Variants in ZBTB45 observed in about 807,000 individuals in gnomAD.
ZBTB45 encodes the protein zinc finger and BTB domain containing 45.
ZBTB45 carries 22 observed loss-of-function variants against 28.4 expected under a neutral mutation model. The observed-to-expected ratio is 0.77, with a 90% confidence interval of 0.55 to 1.10. The LOEUF is 1.10. Among genes scored for constraint, ZBTB45 ranks in the 50% least tolerant of loss-of-function variants. The probability of loss-of-function intolerance (pLI) is 0.00; values close to 1 mark genes in which losing one functional copy is unlikely to be tolerated. For missense variants in ZBTB45, 656 were observed against 750.2 expected, an observed-to-expected ratio of 0.87 and a Z score of 1.47; for synonymous variants, 361 against 332.3, an observed-to-expected ratio of 1.09 and a Z score of -0.94.
chr19:58,520,782 GCAGTGGCTCATGCCTGTAATCCCAGCA>G (rs1313092939), upstream of ZBTB45, among the ~76,000 whole-genome samples: 12 of 152,168 alleles, frequency 7.9e-5, no homozygotes, highest in Admixed American at 7.9e-4. Flanking sequence ...ATGGCCCGGC[GCAGTGGCTCATGCCTGTAATCCCAGCA>G]CTTTGGGAGG....
chr19:58,518,443 G>A (rs1367485716), intron 1 of ZBTB45, among the ~76,000 whole-genome samples: 2 of 152,162 alleles, frequency 1.3e-5, no homozygotes, highest in African/African-American at 4.8e-5. Flanking sequence ...AGCATAGCGA[G>A]CAGGGAGGTG....
intron 1 of ZBTB45, among the ~76,000 whole-genome samples, chr19:58,532,975 C>T (rs1034442706): frequency 1.3e-5 from 2 of 152,182 alleles, no homozygotes; most frequent in African/African-American, 2.4e-5. Flanking sequence ...GCTGGGATTA[C>T]AGGCATGTGC....
At chr19:58,536,140 G>T (rs2053658909) in intron 1 of ZBTB45, among the ~76,000 whole-genome samples, 1 of 151,640 alleles carries the variant, frequency 6.6e-6, no homozygotes, top group Non-Finnish European at 1.5e-5. Context: ...TGCAGTGCCT[G>T]GCCAACATGG....
At chr19:58,523,551 C>A (rs1453427127), upstream of ZBTB45, among the ~76,000 whole-genome samples, 1 of 151,986 alleles carries the variant, frequency 6.6e-6, no homozygotes, top group Non-Finnish European at 1.5e-5. Context: ...GTAATCCCAA[C>A]TTCTCTGGAG....
At chr19:58,529,622 A>G (rs1255811896) in intron 1 of ZBTB45, among the ~76,000 whole-genome samples, 1 of 152,120 alleles carries the variant, frequency 6.6e-6, no homozygotes, top group East Asian at 1.9e-4. Context: ...ATTTTTTTAA[A>G]TTATACTTTA....
At position 58,517,664 on chromosome 19, in the gene ZBTB45, C is replaced by T; in HGVS notation, c.10G>A (p.Ala4Thr). 6.2e-7 allele frequency: 1 copy of T among 1,612,872 alleles called. No homozygotes were observed. The highest frequency in any genetic ancestry group is 1.1e-5 in the South Asian group (1 of 91,062). The change falls in exon 2 of 3, where the codon GCA (alanine) becomes ACA (threonine). Residue 4 changes from alanine (A) to threonine (T), a missense_variant. Ala to Thr is a moderately conservative substitution (Grantham distance 58). This residue lies in a region of ZBTB45 where 105 missense variants were observed against 152.4 expected (regional missense o/e 0.69). Coordinates refer to ENST00000594051, the MANE Select transcript of ZBTB45 (RefSeq NM_001316979.2). Reference protein sequence around the residue: MAAAEAVHHIHLQN... With the variant: MAATEAVHHIHLQN... ...AGGTGTATGTGATGCACAGCCTCTG[C>T]AGCCGCCATCTGCACAGAACAAGAG...
upstream of ZBTB45, among the ~76,000 whole-genome samples, chr19:58,523,961 C>G (rs557583846): frequency 7.0e-6 from 1 of 142,634 alleles, no homozygotes; most frequent in Non-Finnish European, 1.5e-5. Context: ...GTAGTCCCAG[C>G]TACTTGGGAG....
intron 1 of ZBTB45, among the ~76,000 whole-genome samples, chr19:58,527,408 C>T (rs2053613600): frequency 6.6e-6 from 1 of 152,202 alleles, no homozygotes; most frequent in South Asian, 2.1e-4. Context: ...TGAGATTGCT[C>T]AGCCCATTTC....
At position 58,517,236 on chromosome 19, in the gene ZBTB45, A is replaced by G; in HGVS notation, c.438T>C (p.Pro146=). The G allele has an allele frequency of 6.4e-7, 1 of 1,561,462 alleles. No individual in the cohort carries two copies. The highest frequency in any genetic ancestry group is 8.7e-7 in the Non-Finnish European group (1 of 1,152,952). Residue 146 remains proline, a synonymous_variant, in exon 2 of 3, where the codon CCT becomes CCC. Coordinates refer to ENST00000594051, the MANE Select transcript of ZBTB45 (RefSeq NM_001316979.2). ...GGCGCAGGCGGTGACGCAGCTGCGC[A>G]GGTGCGAGTGGCGGGGGCACAGGGG... ...LPTPVPPPLA[P]AQLRHRLRHL...
rs200261567 is a variant in ZBTB45, at chr19:58,517,272, C to T, written c.402G>A (p.Thr134=). Residue 134 remains threonine, a synonymous_variant, in exon 2 of 3, where the codon ACG becomes ACA. Transcript: ENST00000594051. ...RARAPGTSAP[T]PLPTPVPPPL... Reference sequence around the variant, plus strand: ...GCGGGGGCACAGGGGTGGGCAGGGGCGTGGGCGCAGAGGTGCCCGGGGCTC... The same window carrying T: ...GCGGGGGCACAGGGGTGGGCAGGGGTGTGGGCGCAGAGGTGCCCGGGGCTC... The T allele has an allele frequency of 2.4e-4, 379 of 1,581,386 alleles. 1 individual carries two copies. The African/African-American group carries it at 4.2e-3, about 17-fold the overall frequency.
At chr19:58,524,895 C>A (rs1421414700) in intron 1 of ZBTB45, among the ~76,000 whole-genome samples, 1 of 146,014 alleles carries the variant, frequency 6.8e-6, no homozygotes, top group South Asian at 2.3e-4. Flanking sequence ...AAAAAAAAAA[C>A]AAAAAAACAA....
At chr19:58,519,076 G>A (rs2053552459) in intron 1 of ZBTB45, 1 of 152,590 alleles carries the variant, frequency 6.6e-6, no homozygotes, top group Non-Finnish European at 1.5e-5. Context: ...TGGTGTCTCT[G>A]CGCCCCTCGC....
upstream of ZBTB45, among the ~76,000 whole-genome samples, chr19:58,521,345 C>T (rs1358851882): frequency 7.7e-6 from 1 of 129,120 alleles, no homozygotes; most frequent in African/African-American, 2.9e-5. Context: ...CGGGCCTGGG[C>T]GAAAGAGCGA....
chr19:58,520,756 C>A (rs2053570152), upstream of ZBTB45, among the ~76,000 whole-genome samples: 1 of 152,102 alleles, frequency 6.6e-6, no homozygotes, highest in South Asian at 2.1e-4. Flanking sequence ...CAACAGCCAG[C>A]AAGAAAACAG....
At chr19:58,531,958 C>T (rs1174114972) in intron 1 of ZBTB45, among the ~76,000 whole-genome samples, 18 of 152,096 alleles carry the variant, frequency 1.2e-4, no homozygotes, top group Admixed American at 1.2e-3. Flanking sequence ...AGCCATTTTC[C>T]CCAGGAGCCC....
chr19:58,517,539 A>T lies in ZBTB45; in HGVS notation c.135T>A (p.Arg45=). The change falls in exon 2 of 3, where the codon CGT becomes CGA. Residue 45 remains arginine, a synonymous_variant. Transcript: ENST00000594051. ...CGGCCGCCAGCACGCAGCGGTGGGC[A>T]CGCAGCGAAGCTTCACGAATGCGCA... The part of the protein sequence containing the change: ...VTVRIREASL[R]AHRCVLAAGS... 1.2e-6 allele frequency: 2 copies of T among 1,613,644 alleles called. No individual in the cohort carries two copies. The highest frequency in any genetic ancestry group is 1.7e-6 in the Non-Finnish European group (2 of 1,179,982).
At chr19:58,524,412 T>TGTGTGTGTGTGTGTTC (rs1568648930), upstream of ZBTB45, among the ~76,000 whole-genome samples, 2 of 142,372 alleles carry the variant, frequency 1.4e-5, no homozygotes, top group African/African-American at 5.4e-5. Context: ...TATATGTGTG[T>TGTGTGTGTGTGTGTTC]GTGTGTGTGT....
rs745594799 is a variant in ZBTB45, at chr19:58,517,455, C to T, written c.219G>A (p.Pro73=). 22 of 1,613,104 alleles carry T rather than the reference C, an allele frequency of 1.4e-5. No individual in the cohort carries two copies. Among genetic ancestry groups the T allele is most frequent in the Non-Finnish European group, 1.9e-5 (22 of 1,179,924 alleles). ...LLGHSEIRVP[P]VVPAQTVRQL... ...GTCGCACTGTCTGCGCGGGCACCACCGGAGGCACACGGATCTCAGAGTGGC... is the reference window on the plus strand; with the variant it reads ...GTCGCACTGTCTGCGCGGGCACCACTGGAGGCACACGGATCTCAGAGTGGC... The change falls in exon 2 of 3, where the codon CCG becomes CCA. Residue 73 remains proline (P), a synonymous_variant. Transcript: ENST00000594051.
In ZBTB45 at chr19:58,517,442, G is replaced by C. The variant is rs754069403; in HGVS notation, c.232C>G (p.Gln78Glu). The change falls in exon 2 of 3, where the codon CAG becomes GAG. Residue 78 changes from glutamine to glutamate, a missense_variant. Coordinates refer to ENST00000594051, the MANE Select transcript of ZBTB45 (RefSeq NM_001316979.2). ...AACTCTACCAGCTGTCGCACTGTCT[G>C]CGCGGGCACCACCGGAGGCACACGG... ...EIRVPPVVPA[Q>E]TVRQLVEFLY... The C allele has an allele frequency of 3.1e-6, 5 of 1,613,046 alleles. No individual in the cohort carries two copies. Among genetic ancestry groups the C allele is most frequent in the Non-Finnish European group, 4.2e-6 (5 of 1,179,888 alleles).
Sources: allele counts gnomAD v4.1 joint callset (sites outside exome capture counted in the v4.1 genomes callset), GRCh38; gene constraint gnomAD v4.1.1; regional missense constraint gnomAD v4.1.1; transcripts MANE v1.5; gene names NCBI Gene and HGNC (gene_info 2026-07-23, HGNC 2026-07-21).